The following FSTL4 variants were observed in gnomAD, a reference collection of about 807,000 sequenced individuals.
The protein encoded by FSTL4 is follistatin-related protein 4.
Under a neutral mutation model 78.2 loss-of-function variants are expected in FSTL4, and 28 were observed. The ratio of observed to expected loss-of-function variants is 0.36; its 90% CI spans 0.27 to 0.49. The LOEUF (loss-of-function observed/expected upper bound fraction) is 0.49. Ranked by LOEUF, FSTL4 falls within the 20% of genes least tolerant of loss-of-function variation. The probability of loss-of-function intolerance (pLI) is 0.98; values close to 1 mark genes in which losing one functional copy is unlikely to be tolerated. For missense variants in FSTL4, 922 were observed against 1,084.9 expected, an observed-to-expected ratio of 0.85 and a Z score of 2.11; for synonymous variants, 422 against 440.5, an observed-to-expected ratio of 0.96 and a Z score of 0.53.
intron 7 of FSTL4, among the ~76,000 whole-genome samples, chr5:133,241,488 A>G (rs1254613139): frequency 6.6e-6 from 1 of 152,234 alleles, no homozygotes; most frequent in Admixed American, 6.5e-5. Flanking sequence ...CTCATGCCAG[A>G]GACATTGCTC....
At chr5:133,613,819 C>T (rs1414165353), upstream of FSTL4, among the ~76,000 whole-genome samples, 1 of 152,126 alleles carries the variant, frequency 6.6e-6, no homozygotes. Flanking sequence ...ATGTGGATAC[C>T]ATGATTTTTA....
rs575105561 is a variant in FSTL4, at chr5:133,382,024, C to T, written c.409+18714G>A. Reference sequence around the variant, plus strand: ...CAGGCTCTACCTTGGGGTTTTACTCCCTCTTCACATCCCCTTCCCCATCCT... The same window carrying T: ...CAGGCTCTACCTTGGGGTTTTACTCTCTCTTCACATCCCCTTCCCCATCCT... On this transcript the variant is annotated intron_variant, in intron 4 of 15. Transcript: ENST00000265342. Among the ~76,000 whole-genome samples the T allele has an allele frequency of 2.6e-5, 4 of 152,310 alleles. No individual in the cohort carries two copies. The South Asian group carries it at 8.3e-4, about 32-fold the overall frequency.
At chr5:133,364,330 T>C (rs1755132700) in intron 4 of FSTL4, among the ~76,000 whole-genome samples, 2 of 152,218 alleles carry the variant, frequency 1.3e-5, no homozygotes, top group Admixed American at 1.3e-4. Context: ...TAAAGCCTGC[T>C]GTCTCAAGGC....
At chr5:133,414,785 A>T (rs1756544449) in intron 3 of FSTL4, among the ~76,000 whole-genome samples, 1 of 152,238 alleles carries the variant, frequency 6.6e-6, no homozygotes. Flanking sequence ...TGGAGAAGAG[A>T]CAAGAACAAT....
chr5:133,526,055 G>C (rs1469242104), intron 3 of FSTL4, among the ~76,000 whole-genome samples: 1 of 152,134 alleles, frequency 6.6e-6, no homozygotes, highest in Non-Finnish European at 1.5e-5. Flanking sequence ...CACACACTGA[G>C]GGCCCTGAGG....
At chr5:133,580,580 A>G (rs1760379406) in intron 2 of FSTL4, among the ~76,000 whole-genome samples, 1 of 152,228 alleles carries the variant, frequency 6.6e-6, no homozygotes, top group Non-Finnish European at 1.5e-5. Flanking sequence ...GAAGGGGGAT[A>G]GACTGCCACA....
intron 2 of FSTL4, among the ~76,000 whole-genome samples, chr5:133,602,173 C>T (rs796344710): frequency 6.6e-5 from 10 of 152,192 alleles, no homozygotes; most frequent in African/African-American, 2.4e-4. Context: ...TCTTGTGGTG[C>T]AGAATCTACA....
At chr5:133,781,364 GTTGTGTGT>G in the FSTL4 span, among the ~76,000 whole-genome samples, 114 of 89,610 alleles carry the variant, frequency 1.3e-3, 1 homozygote, top group African/African-American at 4.6e-3. Context: ...TTGTTAAGCG[GTTGTGTGT>G]GTGTGTGTGT....
intron 7 of FSTL4, among the ~76,000 whole-genome samples, chr5:133,245,930 GCT>G (rs1271931935): frequency 4.6e-5 from 7 of 152,186 alleles, no homozygotes; most frequent in Non-Finnish European, 1.5e-5. Context: ...TTCTGTAATA[GCT>G]CTGTGACTGA....
At chr5:133,600,900 G>A (rs1400450172) in intron 2 of FSTL4, among the ~76,000 whole-genome samples, 3 of 152,184 alleles carry the variant, frequency 2.0e-5, no homozygotes, top group African/African-American at 7.2e-5. Context: ...AGAGTCTCAG[G>A]AAACTCTGCT....
intron 4 of FSTL4, among the ~76,000 whole-genome samples, chr5:133,331,860 G>A (rs922174280): frequency 3.9e-5 from 6 of 152,164 alleles, no homozygotes; most frequent in South Asian, 2.1e-4. Flanking sequence ...CTCCTTCCCC[G>A]TCACCTGCAC....
the FSTL4 span, among the ~76,000 whole-genome samples, chr5:133,768,403 G>T: frequency 6.6e-6 from 1 of 152,200 alleles, no homozygotes; most frequent in Non-Finnish European, 1.5e-5. Flanking sequence ...CACTTTCATT[G>T]ATTCTCAAAG....
the FSTL4 span, among the ~76,000 whole-genome samples, chr5:133,682,740 C>T: frequency 2.0e-5 from 3 of 152,130 alleles, no homozygotes; most frequent in Non-Finnish European, 4.4e-5. Context: ...GGTGGGGTGG[C>T]CTCCTGCAGA....
chr5:133,327,080 T>C (rs1159568650), intron 4 of FSTL4, among the ~76,000 whole-genome samples: 1 of 152,196 alleles, frequency 6.6e-6, no homozygotes, highest in East Asian at 1.9e-4. Flanking sequence ...CGGGGCAGAC[T>C]AGTAGCAGAT....
chr5:133,385,226 G>A (rs1054697762), intron 4 of FSTL4, among the ~76,000 whole-genome samples: 7 of 152,246 alleles, frequency 4.6e-5, no homozygotes, highest in Admixed American at 3.9e-4. Flanking sequence ...ATGCGGAATT[G>A]CAGAATCCTG....
chr5:133,647,623 G>T, the FSTL4 span, among the ~76,000 whole-genome samples: 1 of 152,168 alleles, frequency 6.6e-6, no homozygotes, highest in Non-Finnish European at 1.5e-5. Context: ...TAAGAACCAG[G>T]AAGAAGGAAA....
chr5:133,476,670 T>C (rs923708906), intron 3 of FSTL4, among the ~76,000 whole-genome samples: 11 of 152,176 alleles, frequency 7.2e-5, no homozygotes, highest in African/African-American at 2.4e-4. Context: ...CACTGACATA[T>C]GTCCATTCTC....
At chr5:133,319,253 G>C (rs1753987721) in intron 4 of FSTL4, among the ~76,000 whole-genome samples, 1 of 152,228 alleles carries the variant, frequency 6.6e-6, no homozygotes, top group East Asian at 1.9e-4. Flanking sequence ...CTGGGGGAAA[G>C]GGGTGGGCCC....
chr5:133,335,258 G>T (rs1754437019), intron 4 of FSTL4, among the ~76,000 whole-genome samples: 1 of 152,166 alleles, frequency 6.6e-6, no homozygotes, highest in Non-Finnish European at 1.5e-5. Flanking sequence ...AGCACACAGG[G>T]CCAATGTGTA....
Sources: gnomAD v4.1 joint callset for allele counts (sites outside exome capture counted in the v4.1 genomes callset) on GRCh38, gnomAD v4.1.1 for gene constraint, MANE v1.5 for transcripts, NCBI Gene and HGNC (gene_info 2026-07-23, HGNC 2026-07-21) for gene names.